Variants in GPATCH1 observed in about 807,000 individuals in gnomAD.
GPATCH1 encodes the protein G patch domain-containing protein 1.
A neutral mutation model predicts 114.9 loss-of-function variants in GPATCH1; 73 were observed. That is an observed-to-expected ratio of 0.64 (90% CI 0.53 to 0.77). The LOEUF (loss-of-function observed/expected upper bound fraction) is 0.77, where lower values mean the gene tolerates loss of function less well. Among genes scored for constraint, GPATCH1 ranks in the 30% least tolerant of loss-of-function variants. GPATCH1 has a pLI of 0.00. For missense variants in GPATCH1, 1,058 were observed against 1,144.3 expected (o/e 0.92, Z 1.09); for synonymous variants, 391 against 428.4 (o/e 0.91, Z 1.08).
chr19:33,114,084 T>C (rs1377292425), intron 14 of GPATCH1, among the ~76,000 whole-genome samples, 169 bp from the exon 15 acceptor site: 1 of 152,166 alleles, frequency 6.6e-6, no homozygotes, highest in East Asian at 1.9e-4. Context: ...TGTTTACTCT[T>C]TGGGGTTGGG....
chr19:33,112,572 G>T lies in GPATCH1; in HGVS notation c.1851G>T (p.Lys617Asn), dbSNP rs1391240969. The change falls in exon 13 of 20, where the codon AAG becomes AAT. Residue 617 changes from lysine (K) to asparagine (N), a missense_variant. This residue lies in a region of GPATCH1 where 893 missense variants were observed against 977.4 expected (regional missense o/e 0.91). Transcript: ENST00000170564. ...ACACGTTTGAGTGGCACCCTGACAA[G>T]CTTCTATGTAAGAGATTTAATGTCC... is the stretch of plus-strand genomic sequence containing the variant. ...TRDTFEWHPDKLLCKRFNVPD... is the reference protein window; with the variant it reads ...TRDTFEWHPDNLLCKRFNVPD... 1 of 1,613,942 alleles carries T rather than the reference G, an allele frequency of 6.2e-7. No homozygotes were observed. The highest frequency in any genetic ancestry group is 8.5e-7 in the Non-Finnish European group (1 of 1,179,866).
chr19:33,109,930 C>T lies in GPATCH1; in HGVS notation c.1499C>T (p.Ala500Val). Residue 500 changes from alanine (A) to valine (V), a missense_variant, in exon 11 of 20, where the codon GCC becomes GTC. This residue lies in a region of GPATCH1 where 893 missense variants were observed against 977.4 expected (regional missense o/e 0.91). Transcript: ENST00000170564. ...GGTGGTGGGACGGCCACCTTAAAAG[C>T]CAGCAACTTCAAGCCTTTCGCCAAA... is the stretch of plus-strand genomic sequence containing the variant. ...ALGGGTATLK[A>V]SNFKPFAKDP... The T allele has an allele frequency of 6.2e-7, 1 of 1,614,156 alleles. No individual in the cohort carries two copies. Among genetic ancestry groups the T allele is most frequent in the Non-Finnish European group, 8.5e-7 (1 of 1,180,014 alleles).
In GPATCH1 at chr19:33,126,568, C is replaced by T. The variant is rs1973043285; in HGVS notation, c.2620-20C>T. 1 of 1,611,262 alleles carries T rather than the reference C, an allele frequency of 6.2e-7. No homozygotes were observed. Among genetic ancestry groups the T allele is most frequent in the East Asian group, 2.2e-5 (1 of 44,870 alleles). ...GAAAAAATACATTTGTTTTCCCCCACCACTATTTGTTTTTTACAGAAAAAG... is the reference window on the plus strand; with the variant it reads ...GAAAAAATACATTTGTTTTCCCCCATCACTATTTGTTTTTTACAGAAAAAG... On this transcript the variant is annotated intron_variant, in intron 18 of 19. Coordinates refer to ENST00000170564, the MANE Select transcript of GPATCH1 (RefSeq NM_018025.3).
intron 17 of GPATCH1, among the ~76,000 whole-genome samples, chr19:33,124,318 T>G (rs1380958421): frequency 6.6e-6 from 1 of 152,180 alleles, no homozygotes; most frequent in East Asian, 1.9e-4. Flanking sequence ...TTAATGATTT[T>G]TAATGATTAT....
intron 11 of GPATCH1, among the ~76,000 whole-genome samples, chr19:33,110,729 C>T (rs979850432): frequency 6.6e-6 from 1 of 151,116 alleles, no homozygotes; most frequent in African/African-American, 2.4e-5. Context: ...CTTATCACTG[C>T]CTGGGAGTGG....
chr19:33,114,434 C>T lies in GPATCH1; in HGVS notation c.2196+15C>T, dbSNP rs765222947. On this transcript the variant is annotated intron_variant, in intron 15 of 19. Transcript: ENST00000170564. Reference sequence around the variant, plus strand: ...CCGCAAATCAGGTATTTGGGGCTTCCAGATTCTCTTTGCCACGCTGAGTGT... The same window carrying T: ...CCGCAAATCAGGTATTTGGGGCTTCTAGATTCTCTTTGCCACGCTGAGTGT... 1 of 1,574,582 alleles carries T rather than the reference C, an allele frequency of 6.4e-7. No individual in the cohort carries two copies. Among genetic ancestry groups the T allele is most frequent in the South Asian group, 1.2e-5 (1 of 85,710 alleles).
intron 7 of GPATCH1, among the ~76,000 whole-genome samples, chr19:33,097,204 A>G (rs1972671423): frequency 6.6e-6 from 1 of 152,012 alleles, no homozygotes; most frequent in African/African-American, 2.4e-5. Context: ...TCGGCCTCCC[A>G]AAGTGCTGGG....
intron 9 of GPATCH1, among the ~76,000 whole-genome samples, chr19:33,104,649 G>A (rs942729349): frequency 2.0e-5 from 3 of 152,112 alleles, no homozygotes; most frequent in Non-Finnish European, 4.4e-5. Flanking sequence ...GGGGTGGGGC[G>A]CAGGCATCAG....
intron 15 of GPATCH1, among the ~76,000 whole-genome samples, chr19:33,114,797 CTT>C (rs546074419): frequency 0.018 from 1,603 of 86,868 alleles, 10 homozygotes; most frequent in African/African-American, 0.071. Flanking sequence ...CTATTTCTCT[CTT>C]TTTTTTTTTT....
chr19:33,096,105 TTG>T, intron 6 of GPATCH1, 100 bp from the exon 7 acceptor site: 1 of 1,209,628 alleles, frequency 8.3e-7, no homozygotes, highest in Non-Finnish European at 1.2e-6. Flanking sequence ...AGTTTGCTAA[TTG>T]TTCTGTGTGG....
chr19:33,121,879 T>C (rs965066127), intron 17 of GPATCH1, among the ~76,000 whole-genome samples: 2 of 152,240 alleles, frequency 1.3e-5, no homozygotes, highest in Non-Finnish European at 2.9e-5. Flanking sequence ...TAGTTTCTCA[T>C]GGTGCCCATA....
At chr19:33,092,924 C>G (rs1044233445) in intron 3 of GPATCH1, among the ~76,000 whole-genome samples, 2 of 152,176 alleles carry the variant, frequency 1.3e-5, no homozygotes, top group Non-Finnish European at 2.9e-5. Flanking sequence ...CACGGTGGCT[C>G]ATGCCTGTAA....
In GPATCH1 at chr19:33,126,511, T is replaced by C. The variant is rs1296104473; in HGVS notation, c.2620-77T>C. 7 of 1,588,086 alleles carry C rather than the reference T, an allele frequency of 4.4e-6. No homozygotes were observed. The Admixed American group carries it at 1.2e-4, about 26-fold the overall frequency. On this transcript the variant is annotated intron_variant, in intron 18 of 19. Transcript: ENST00000170564. ...TTTGAATGACTCCATCACTGCAGCC[T>C]TGTTAACCTTTCATTGTATTGAATT...
chr19:33,109,637 T>C (rs1972826726), intron 10 of GPATCH1, 80 bp from the exon 11 acceptor site: 7 of 838,200 alleles, frequency 8.4e-6, no homozygotes, highest in Non-Finnish European at 1.3e-5. Context: ...ATTTGTGTTA[T>C]TGAAATGTAT....
At chr19:33,112,665 G>T in intron 13 of GPATCH1, 52 bp downstream of exon 13, 1 of 1,488,362 alleles carries the variant, frequency 6.7e-7, no homozygotes. Flanking sequence ...TGATATTAAA[G>T]CTAATTTTCC....
At chr19:33,129,582 T>TA (rs1973080183) in intron 19 of GPATCH1, among the ~76,000 whole-genome samples, 1 of 152,064 alleles carries the variant, frequency 6.6e-6, no homozygotes, top group Non-Finnish European at 1.5e-5. Flanking sequence ...GTTGCTTTTA[T>TA]AAGTGGTCTT....
intron 19 of GPATCH1, among the ~76,000 whole-genome samples, 173 bp downstream of exon 19, chr19:33,126,906 C>A (rs1973048227): frequency 6.6e-6 from 1 of 151,526 alleles, no homozygotes; most frequent in South Asian, 2.1e-4. Flanking sequence ...CGCTTGAGCC[C>A]AGGAGTTTGA....
At position 33,113,867 on chromosome 19, in the gene GPATCH1, T is replaced by C. The variant is rs149390547; in HGVS notation, c.1993T>C (p.Ser665Pro). ...AGCTTCCTTGCCCACCACTCAAGCA[T>C]CAAGTGAAAAAGTATCACAGCACCG... Reference protein sequence around the residue: ...ETASLPTTQASSEKVSQHRGP... With the variant: ...ETASLPTTQAPSEKVSQHRGP... Residue 665 changes from serine to proline, a missense_variant, in exon 14 of 20, where the codon TCA (serine) becomes CCA (proline). This residue lies in a region of GPATCH1 where 893 missense variants were observed against 977.4 expected (regional missense o/e 0.91). Coordinates refer to ENST00000170564, the MANE Select transcript of GPATCH1 (RefSeq NM_018025.3). The C allele has an allele frequency of 6.0e-5, 97 of 1,614,012 alleles. No individual in the cohort carries two copies. Among genetic ancestry groups the C allele is most frequent in the Middle Eastern group, 3.3e-4 (2 of 6,084 alleles).
intron 5 of GPATCH1, among the ~76,000 whole-genome samples, chr19:33,094,501 G>A (rs757616968): frequency 2.6e-5 from 4 of 152,100 alleles, no homozygotes; most frequent in Admixed American, 6.6e-5. Flanking sequence ...TTGTAGAGAC[G>A]GGGTTTTGCC....
Sources: gnomAD v4.1 joint callset for allele counts (sites outside exome capture counted in the v4.1 genomes callset) on GRCh38, gnomAD v4.1.1 for gene constraint, gnomAD v4.1.1 regional missense constraint, MANE v1.5 for transcripts, NCBI Gene and HGNC (gene_info 2026-07-23, HGNC 2026-07-21) for gene names.